NIPBL: variants seen among roughly 807,000 people sequenced by gnomAD.
The protein encoded by NIPBL is nipped-B-like protein.
A neutral mutation model predicts 321.8 loss-of-function variants in NIPBL; 19 were observed. The ratio of observed to expected loss-of-function variants is 0.06; its 90% CI spans 0.04 to 0.09. The LOEUF is 0.09. Among genes scored for constraint, NIPBL ranks in the 10% least tolerant of loss-of-function variants. The pLI, the probability that NIPBL is intolerant of heterozygous loss-of-function variation, is 1.00. For synonymous variants in NIPBL, 1,106 were observed against 1,114.1 expected (o/e 0.99, Z 0.14); for missense variants, 2,210 against 3,327.0 (o/e 0.66, Z 8.26).
intron 19 of NIPBL, 47 bp from the exon 20 acceptor site, chr5:37,008,576 T>G: frequency 5.1e-6 from 5 of 982,882 alleles, no homozygotes; most frequent in Non-Finnish European, 8.1e-6. Context: ...TTTTTTGGTT[T>G]GTTTTCTATT....
At chr5:36,961,743 TA>T (rs1741652473) in intron 5 of NIPBL, among the ~76,000 whole-genome samples, 160 bp downstream of exon 5, 2 of 152,226 alleles carry the variant, frequency 1.3e-5, no homozygotes, top group African/African-American at 2.4e-5. Context: ...AAATGTTGTA[TA>T]TGGAAATAGT....
Position 37,016,113 on chromosome 5 carries a change from C to T in NIPBL, c.4719C>T (p.Val1573=), listed in dbSNP as rs1010277247. 2 of 1,613,822 alleles carry T rather than the reference C, an allele frequency of 1.2e-6. No individual in the cohort carries two copies. Among genetic ancestry groups the T allele is most frequent in the Non-Finnish European group, 8.5e-7 (1 of 1,179,848 alleles). ...ENFVQDLLST[V]NKPEWPAAEL... is the part of the protein sequence containing the mutation. ...TTGTTCAAGACCTTCTTTCAACAGT[C>T]AATAAGCCTGAATGGCCAGCTGCTG... The change falls in exon 23 of 47, where the codon GTC becomes GTT. Residue 1573 remains valine (V), a synonymous_variant. Coordinates refer to ENST00000282516, the MANE Select transcript of NIPBL (RefSeq NM_133433.4).
At chr5:36,952,055 CGCGCGCGCGCGCGCGCGCATGTGTGT>C in intron 1 of NIPBL, among the ~76,000 whole-genome samples, 2 of 63,178 alleles carry the variant, frequency 3.2e-5, no homozygotes, top group Middle Eastern at 0.023. Context: ...TGTGTGTGTG[CGCGCGCGCGCGCGCGCGCATGTGTGT>C]GTGTAGCAGT....
Position 37,045,718 on chromosome 5 carries a change from C to T in NIPBL, c.6498+121C>T. Reference sequence around the variant, plus strand: ...AGAGTAGTCTGGTTTAATGAAAATTCTGAAAACAGTGCTGCTCAAAACGTG... The same window carrying T: ...AGAGTAGTCTGGTTTAATGAAAATTTTGAAAACAGTGCTGCTCAAAACGTG... On this transcript the variant is annotated intron_variant, in intron 37 of 46. Coordinates refer to ENST00000282516, the MANE Select transcript of NIPBL (RefSeq NM_133433.4). The T allele has an allele frequency of 6.5e-6, 7 of 1,078,240 alleles. No homozygotes were observed. In the South Asian group the frequency reaches 9.4e-5, roughly 14 times the overall value. The allele number at this position is 1,078,240 out of a possible 1,614,324, so 66.8% of individuals were successfully genotyped here.
intron 1 of NIPBL, among the ~76,000 whole-genome samples, chr5:36,942,925 T>C (rs1029870112): frequency 2.6e-5 from 4 of 152,098 alleles, no homozygotes; most frequent in Non-Finnish European, 4.4e-5. Context: ...AAGTTTTAAT[T>C]CTTGCTAACC....
At chr5:37,026,848 T>C (rs1561179455) in intron 31 of NIPBL, among the ~76,000 whole-genome samples, 1 of 151,578 alleles carries the variant, frequency 6.6e-6, no homozygotes, top group Non-Finnish European at 1.5e-5. Flanking sequence ...TGCAGTATAC[T>C]GTAATCATGC....
chr5:37,057,094 T>G, intron 42 of NIPBL, 92 bp from the exon 43 acceptor site: 1 of 1,277,172 alleles, frequency 7.8e-7, no homozygotes, highest in Non-Finnish European at 1.1e-6. Flanking sequence ...TTAAGTGAGG[T>G]GAAAGTGCCC....
intron 27 of NIPBL, among the ~76,000 whole-genome samples, chr5:37,021,397 A>C (rs1014490634): frequency 6.6e-6 from 1 of 152,312 alleles, no homozygotes; most frequent in Non-Finnish European, 1.5e-5. Flanking sequence ...GTATCAGTAG[A>C]GTAAGTGACA....
chr5:36,961,806 A>T (rs377331430), intron 5 of NIPBL, among the ~76,000 whole-genome samples: 1 of 152,236 alleles, frequency 6.6e-6, no homozygotes, highest in African/African-American at 2.4e-5. Context: ...TTTCATACAG[A>T]CAAAAAATGT....
Position 37,002,433 on chromosome 5 carries a change from A to G in NIPBL, c.3665-229A>G, listed in dbSNP as rs115419483. 0.026 allele frequency among the ~76,000 whole-genome samples: 4,017 copies of G among 152,296 alleles called. 76 individuals carry two copies. Among genetic ancestry groups the G allele is most frequent in the Admixed American group, 0.045 (681 of 15,290 alleles). On this transcript the variant is annotated intron_variant, in intron 14 of 46. Transcript: ENST00000282516. ...TTGAGAAAGAGTCAAGAGTATATCT[A>G]AAGTAGTAAAGATAAGATATCTATC...
intron 9 of NIPBL, among the ~76,000 whole-genome samples, chr5:36,979,222 A>G (rs988086490): frequency 6.6e-6 from 1 of 152,018 alleles, no homozygotes; most frequent in Non-Finnish European, 1.5e-5. Context: ...ATCCATGACC[A>G]TGGAATGTTT....
In NIPBL at chr5:36,925,719, A is replaced by G. The variant is rs940829068; in HGVS notation, c.-79-27899A>G. Among the ~76,000 whole-genome samples, 7 of 152,210 alleles carry G rather than the reference A, an allele frequency of 4.6e-5. No individual in the cohort carries two copies. The East Asian group carries it at 5.8e-4, about 13-fold the overall frequency. ...AAAAACCTGTTTTTGCCACTATTGCATATTGTTAGAAGGCTGTTTCTTCTT... is the reference window on the plus strand; with the variant it reads ...AAAAACCTGTTTTTGCCACTATTGCGTATTGTTAGAAGGCTGTTTCTTCTT... On this transcript the variant is annotated intron_variant, in intron 1 of 46. Transcript: ENST00000282516.
Position 36,899,699 on chromosome 5 carries a change from C to A in NIPBL, c.-80+22521C>A, listed in dbSNP as rs1580178769. On this transcript the variant is annotated intron_variant, in intron 1 of 46. Coordinates refer to ENST00000282516, the MANE Select transcript of NIPBL (RefSeq NM_133433.4). Reference sequence around the variant, plus strand: ...TATTTTAGCCCCAAAGTGAATTAAGCTTTCCTGCTTGAGTTGGTGAATATT... The same window carrying A: ...TATTTTAGCCCCAAAGTGAATTAAGATTTCCTGCTTGAGTTGGTGAATATT... Among the ~76,000 whole-genome samples the A allele has an allele frequency of 2.0e-5, 3 of 152,288 alleles. No homozygotes were observed. In the South Asian group the frequency reaches 6.2e-4, roughly 32 times the overall value.
chr5:36,995,571 C>CT (rs1476645507), intron 10 of NIPBL, 51 bp from the exon 11 acceptor site: 34 of 1,376,438 alleles, frequency 2.5e-5, no homozygotes, highest in Non-Finnish European at 3.1e-5. Context: ...TAAAATTTTC[C>CT]TTTTATCTTC....
intron 27 of NIPBL, among the ~76,000 whole-genome samples, chr5:37,021,660 G>A (rs368039016): frequency 3.3e-5 from 5 of 152,110 alleles, no homozygotes; most frequent in Admixed American, 2.6e-4. Context: ...CAGCCTGGGC[G>A]ACAGAGCGAG....
rs3207732 is a variant in NIPBL at position 37,065,087 on chromosome 5, C to A, written c.*195C>A. On this transcript the variant is annotated 3_prime_UTR_variant, in exon 47 of 47. Coordinates refer to ENST00000282516, the MANE Select transcript of NIPBL (RefSeq NM_133433.4). ...CGCTGTTGTGCAGCAGAAACAGATT[C>A]TCAGTTCATTTTTACTCCCACTGTA... 4.7e-6 allele frequency: 3 copies of A among 639,768 alleles called. No individual in the cohort carries two copies. Among genetic ancestry groups the A allele is most frequent in the Admixed American group, 2.9e-5 (1 of 34,714 alleles). The allele number at this position is 639,768 out of a possible 1,614,324, so 39.6% of individuals were successfully genotyped here.
intron 29 of NIPBL, among the ~76,000 whole-genome samples, chr5:37,023,420 T>G (rs192978988): frequency 8.9e-4 from 135 of 152,312 alleles, no homozygotes; most frequent in African/African-American, 3.2e-3. Flanking sequence ...TATGAAAGTT[T>G]GTTAAAGAAA....
At chr5:36,887,342 T>A (rs1745989120) in intron 1 of NIPBL, among the ~76,000 whole-genome samples, 1 of 152,180 alleles carries the variant, frequency 6.6e-6, no homozygotes, top group Non-Finnish European at 1.5e-5. Flanking sequence ...ACATTTGCTT[T>A]AGGTTTAGTG....
chr5:37,013,138 C>G (rs1448098412), intron 21 of NIPBL, among the ~76,000 whole-genome samples: 3 of 149,482 alleles, frequency 2.0e-5, no homozygotes, highest in Non-Finnish European at 4.5e-5. Context: ...CGCCCCTCAC[C>G]TCCCGGACGG....
Sources: allele counts gnomAD v4.1 joint callset (sites outside exome capture counted in the v4.1 genomes callset), GRCh38; gene constraint gnomAD v4.1.1; transcripts MANE v1.5; gene names NCBI Gene and HGNC (gene_info 2026-07-23, HGNC 2026-07-21).